The following KNDC1 variants were observed in gnomAD, a reference collection of about 807,000 sequenced individuals.
KNDC1 encodes the protein kinase non-catalytic C-lobe domain-containing protein 1.
Under a neutral mutation model 172.8 loss-of-function variants are expected in KNDC1, and 106 were observed. The observed-to-expected ratio is 0.61, with a 90% CI of 0.52 to 0.72. The LOEUF (loss-of-function observed/expected upper bound fraction) is 0.72, where lower values mean the gene tolerates loss of function less well. Ranked by LOEUF, KNDC1 falls within the 30% of genes least tolerant of loss-of-function variation. The pLI is 0.00. For synonymous variants in KNDC1, 1,083 were observed against 1,062.2 expected (o/e 1.02, Z -0.38); for missense variants, 2,325 against 2,394.5 (o/e 0.97, Z 0.61).
chr10:133,224,892 C>G lies in KNDC1; in HGVS notation c.*2C>G. 1 of 1,607,770 alleles carries G rather than the reference C, an allele frequency of 6.2e-7. No homozygotes were observed. Among genetic ancestry groups the G allele is most frequent in the Non-Finnish European group, 8.5e-7 (1 of 1,174,998 alleles). ...AGGATGAAGGCTACATTCCAGTAGC[C>G]GAGCTCGGGCCTGGTGTGGAATTCC... is the stretch of plus-strand genomic sequence containing the variant. On this transcript the variant is annotated 3_prime_UTR_variant, in exon 30 of 30. Coordinates refer to ENST00000304613, the MANE Select transcript of KNDC1 (RefSeq NM_152643.8). The surrounding 1 kb of genome is among the most constrained non-coding windows in gnomAD (Gnocchi z 5.4).
At chr10:133,201,460 A>C (rs779065078) in intron 16 of KNDC1, 41 bp from the exon 17 acceptor site, 4 of 1,542,904 alleles carry the variant, frequency 2.6e-6, no homozygotes, top group Admixed American at 3.9e-5. Context: ...CTCCGCCCAC[A>C]GGAGCCACTG....
intron 3 of KNDC1, among the ~76,000 whole-genome samples, chr10:133,171,460 T>A (rs1043972733): frequency 6.6e-6 from 1 of 152,108 alleles, no homozygotes; most frequent in Non-Finnish European, 1.5e-5. Flanking sequence ...TTTATAGAGA[T>A]GGGGTCTCAC....
intron 3 of KNDC1, among the ~76,000 whole-genome samples, chr10:133,182,891 A>G (rs1322585310): frequency 2.2e-5 from 3 of 139,212 alleles, no homozygotes; most frequent in East Asian, 2.3e-4. Flanking sequence ...CGGCAAGGGC[A>G]TGGGTGGCGT....
intron 29 of KNDC1, among the ~76,000 whole-genome samples, chr10:133,223,652 TGA>T (rs1358515977): frequency 4.0e-5 from 3 of 74,188 alleles, no homozygotes; most frequent in African/African-American, 5.9e-5. Flanking sequence ...TGTGTGTGTG[TGA>T]GAGCCCATCC....
At chr10:133,182,429 A>T (rs1853745454) in intron 3 of KNDC1, among the ~76,000 whole-genome samples, 1 of 143,448 alleles carries the variant, frequency 7.0e-6, no homozygotes, top group African/African-American at 3.0e-5. Context: ...GTGCGGGGGC[A>T]GAGCAGGCCC....
chr10:133,207,265 C>A lies in KNDC1; in HGVS notation c.3708C>A (p.Asn1236Lys). 1 of 1,613,124 alleles carries A rather than the reference C, an allele frequency of 6.2e-7. No homozygotes were observed. The highest frequency in any genetic ancestry group is 8.5e-7 in the Non-Finnish European group (1 of 1,179,988). The change falls in exon 20 of 30, where the codon AAC becomes AAA. Residue 1236 changes from asparagine to lysine, a missense_variant. Asn to Lys is a moderately conservative substitution (Grantham distance 94). Transcript: ENST00000304613. ...AGTCCTCCTCGCTCATCTTCTACAA[C>A]GTCAACAAGCACCCGGGCGGCCGGC... ...LDESSSLIFY[N>K]VNKHPGGRQK...
At position 133,220,110 on chromosome 10, in the gene KNDC1, C is replaced by T. The variant is rs201246979; in HGVS notation, c.5016C>T (p.Leu1672=). The change falls in exon 29 of 30, where the codon CTC becomes CTT. Residue 1672 remains leucine, a splice_region_variant and synonymous_variant. Coordinates refer to ENST00000304613, the MANE Select transcript of KNDC1 (RefSeq NM_152643.8). ...MTNGAHRWSK[L]RNIAKVVSQV... ...ACGGGGCCCACAGGTGGAGCAAGCT[C>T]AGGTGAGGAGGGGCTCAGGCGGCCG... 2 of 1,562,390 alleles carry T rather than the reference C, an allele frequency of 1.3e-6. No individual in the cohort carries two copies. The highest frequency in any genetic ancestry group is 4.7e-5 in the East Asian group (2 of 42,138).
chr10:133,169,116 C>T (rs1438405001), intron 3 of KNDC1, among the ~76,000 whole-genome samples: 1 of 152,218 alleles, frequency 6.6e-6, no homozygotes, highest in Non-Finnish European at 1.5e-5. Context: ...CAAAGATCTT[C>T]CCAATAAAAG....
intron 1 of KNDC1, among the ~76,000 whole-genome samples, chr10:133,162,542 C>T (rs972404965): frequency 6.6e-6 from 1 of 152,216 alleles, no homozygotes; most frequent in African/African-American, 2.4e-5. Flanking sequence ...CCCACCGGAG[C>T]CCCTGGAATG....
intron 5 of KNDC1, 41 bp from the exon 6 acceptor site, chr10:133,185,933 G>GGAGGGGAGGGGTGGGAGGA (rs1853895399): frequency 1.6e-6 from 2 of 1,257,922 alleles, no homozygotes; most frequent in South Asian, 1.4e-5. Context: ...GGGAGGGGCG[G>GGAGGGGAGGGGTGGGAGGA]GAGGGGCACC....
chr10:133,165,386 C>T (rs1853116896), intron 1 of KNDC1, among the ~76,000 whole-genome samples: 1 of 152,180 alleles, frequency 6.6e-6, no homozygotes, highest in Non-Finnish European at 1.5e-5. Flanking sequence ...ACCTGGGCTC[C>T]CTTCCCGGGT....
chr10:133,184,027 C>A, intron 5 of KNDC1, 38 bp downstream of exon 5: 2 of 983,606 alleles, frequency 2.0e-6, no homozygotes, highest in Non-Finnish European at 3.0e-6. Flanking sequence ...TCCTCATGCA[C>A]ATATACCTGT....
At chr10:133,210,555 C>G (rs533183201) in intron 20 of KNDC1, 56 bp from the exon 21 acceptor site, 1 of 1,041,018 alleles carries the variant, frequency 9.6e-7, no homozygotes, top group African/African-American at 1.6e-5. Flanking sequence ...GAACACTAGC[C>G]GAGCCCTGGG....
Position 133,168,499 on chromosome 10 carries a change from C to T in KNDC1, c.360+187C>T, listed in dbSNP as rs571240529. Among the ~76,000 whole-genome samples, 7 of 152,176 alleles carry T rather than the reference C, an allele frequency of 4.6e-5. No individual in the cohort carries two copies. The East Asian group carries it at 1.4e-3, about 29-fold the overall frequency. On this transcript the variant is annotated intron_variant, in intron 3 of 29. Transcript: ENST00000304613. ...TCTGGGGCACACCCGGCTTCGTCCC[C>T]TGCAGCGTTCTCTGTGGGCAGCTCG...
At chr10:133,166,944 G>A (rs1853179668) in intron 1 of KNDC1, among the ~76,000 whole-genome samples, 1 of 152,208 alleles carries the variant, frequency 6.6e-6, no homozygotes, top group Non-Finnish European at 1.5e-5. Flanking sequence ...AGTCATGTGA[G>A]TGTCAGGATC....
Position 133,162,120 on chromosome 10 carries a change from G to A in KNDC1, c.102+1551G>A, listed in dbSNP as rs117849661. Among the ~76,000 whole-genome samples the A allele has an allele frequency of 1.3e-4, 20 of 152,332 alleles. No homozygotes were observed. In the East Asian group the frequency reaches 2.9e-3, roughly 22 times the overall value. On this transcript the variant is annotated intron_variant, in intron 1 of 29. Transcript: ENST00000304613. ...ACTGTCATCCCACCGAGTTTGCAGC[G>A]TGCAGTGGGAACGTTCAGGTGGGCC... is the stretch of plus-strand genomic sequence containing the variant.
At position 133,201,811 on chromosome 10, in the gene KNDC1, C is replaced by T. The variant is rs765578314; in HGVS notation, c.3300C>T (p.Ala1100=). The change falls in exon 17 of 30, where the codon GCC becomes GCT. Residue 1100 remains alanine, a synonymous_variant. Transcript: ENST00000304613. ...GCTGGTGCAGCGCCTTCTACGAGGCCGACTGCTTCGGGGCCGACGTCCACA... is the reference window on the plus strand; with the variant it reads ...GCTGGTGCAGCGCCTTCTACGAGGCTGACTGCTTCGGGGCCGACGTCCACA... ...SPGWCSAFYE[A]DCFGADVHNY... is the part of the protein sequence containing the mutation. 15 of 1,508,580 alleles carry T rather than the reference C, an allele frequency of 9.9e-6. No individual in the cohort carries two copies. Among genetic ancestry groups the T allele is most frequent in the Admixed American group, 4.7e-5 (2 of 42,444 alleles). The allele number at this position is 1,508,580 out of a possible 1,614,324, so 93.4% of individuals were successfully genotyped here.
chr10:133,166,292 C>T lies in KNDC1; in HGVS notation c.103-1089C>T, dbSNP rs148407318. Among the ~76,000 whole-genome samples, 13 of 152,312 alleles carry T rather than the reference C, an allele frequency of 8.5e-5. No individual in the cohort carries two copies. In the South Asian group the frequency reaches 1.4e-3, roughly 17 times the overall value. ...CCCATAGTGTCCAGGCTGCAGCCCCCGGCCACCCCCTCCTACCTGCACATG... is the reference window on the plus strand; with the variant it reads ...CCCATAGTGTCCAGGCTGCAGCCCCTGGCCACCCCCTCCTACCTGCACATG... On this transcript the variant is annotated intron_variant, in intron 1 of 29. Coordinates refer to ENST00000304613, the MANE Select transcript of KNDC1 (RefSeq NM_152643.8).
intron 17 of KNDC1, chr10:133,202,705 ACT>A (rs1854408476): frequency 2.2e-6 from 1 of 456,180 alleles, no homozygotes; most frequent in South Asian, 1.5e-5. Flanking sequence ...GCACTTTATG[ACT>A]CAGTCCAGAA....
Sources: gnomAD v4.1 joint callset for allele counts (sites outside exome capture counted in the v4.1 genomes callset) on GRCh38, gnomAD v4.1.1 for gene constraint, Gnocchi (gnomAD v3.1) non-coding constraint, MANE v1.5 for transcripts, NCBI Gene and HGNC (gene_info 2026-07-23, HGNC 2026-07-21) for gene names.